DMXL1: variants seen among roughly 807,000 people sequenced by gnomAD.
DMXL1 encodes Dmx like 1.
DMXL1 carries 99 observed loss-of-function variants against 319.2 expected under a neutral mutation model. The observed-to-expected ratio is 0.31, with a 90% CI of 0.26 to 0.37. DMXL1 has a LOEUF of 0.37. Ranked by LOEUF, DMXL1 falls within the 10% of genes least tolerant of loss-of-function variation. The pLI is 1.00. For missense variants in DMXL1, 3,745 were observed against 3,595.6 expected (o/e 1.04, Z -1.06); for synonymous variants, 1,385 against 1,235.2 (o/e 1.12, Z -2.54).
rs1307261759 is a variant in DMXL1 at position 119,165,173 on chromosome 5, T to C, written c.4873-10T>C. On this transcript the variant is annotated splice_polypyrimidine_tract_variant and intron_variant, in intron 20 of 43. Transcript: ENST00000539542. ...TCTGTGAAATTTTGATCAATATTTT[T>C]TGATTATAGGTAGCTAAAGCAGCCT... 20 of 1,525,252 alleles carry C rather than the reference T, an allele frequency of 1.3e-5. No individual in the cohort carries two copies. The highest frequency in any genetic ancestry group is 1.7e-5 in the Non-Finnish European group (19 of 1,116,764). 94.5% of individuals were successfully genotyped at this position (1,525,252 alleles called of 1,614,324 possible).
chr5:119,095,525 A>G (rs1755746472), intron 1 of DMXL1, among the ~76,000 whole-genome samples: 1 of 152,234 alleles, frequency 6.6e-6, no homozygotes, highest in African/African-American at 2.4e-5. Context: ...AATTAGGTAG[A>G]TAATTTCAGG....
rs1789355600 is a variant in DMXL1 at position 119,244,350 on chromosome 5, T to C, written c.8705-9T>C. 5.0e-6 allele frequency: 8 copies of C among 1,589,808 alleles called. No individual in the cohort carries two copies. The highest frequency in any genetic ancestry group is 6.8e-6 in the Non-Finnish European group (8 of 1,170,998). On this transcript the variant is annotated splice_polypyrimidine_tract_variant and intron_variant, in intron 42 of 43. Coordinates refer to ENST00000539542, the MANE Select transcript of DMXL1 (RefSeq NM_001290321.3). Reference sequence around the variant, plus strand: ...AAGTGTTTTTGTTTTTTTTTTAATTTACTTTCAGCATTTACCTGCCATGAC... The same window carrying C: ...AAGTGTTTTTGTTTTTTTTTTAATTCACTTTCAGCATTTACCTGCCATGAC...
At chr5:119,177,552 T>TG (rs1554129315) in intron 27 of DMXL1, 68 bp downstream of exon 27, 4 of 1,234,242 alleles carry the variant, frequency 3.2e-6, no homozygotes, top group African/African-American at 3.0e-5. Context: ...GTAGAAAGAC[T>TG]TTTAGTTTTG....
At chr5:119,089,772 A>G (rs1028368603) in intron 1 of DMXL1, among the ~76,000 whole-genome samples, 1 of 150,912 alleles carries the variant, frequency 6.6e-6, no homozygotes, top group Non-Finnish European at 1.5e-5. Context: ...GATTACAGGC[A>G]TACGCCACCA....
At chr5:119,093,519 C>T (rs369193547) in intron 1 of DMXL1, among the ~76,000 whole-genome samples, 39 of 152,226 alleles carry the variant, frequency 2.6e-4, no homozygotes, top group African/African-American at 7.7e-4. Context: ...CAATGAACTG[C>T]GCTCAGACCT....
At chr5:119,228,897 G>A (rs6880106) in intron 38 of DMXL1, among the ~76,000 whole-genome samples, 145,175 of 152,122 alleles carry the variant, frequency 0.95, 69,342 homozygotes, top group East Asian at 1. Flanking sequence ...AATGTTGTAG[G>A]AAAAAAACCT....
At chr5:119,101,850 A>T (rs892486661) in intron 2 of DMXL1, 85 bp from the exon 3 acceptor site, 1 of 857,678 alleles carries the variant, frequency 1.2e-6, no homozygotes, top group African/African-American at 1.7e-5. Flanking sequence ...GGCATATTTA[A>T]AGTTATAGTA....
At position 119,160,338 on chromosome 5, in the gene DMXL1, C is replaced by A. The variant is rs566031872; in HGVS notation, c.4703-4169C>A. Among the ~76,000 whole-genome samples the A allele has an allele frequency of 4.9e-4, 75 of 152,212 alleles. 2 individuals carry two copies. In the South Asian group the frequency reaches 0.015, roughly 31 times the overall value. Reference sequence around the variant, plus strand: ...TTGTTTAATTTCCACAAATTGGTGACTTTTCCAAGATTTCTCCTGTTATTT... The same window carrying A: ...TTGTTTAATTTCCACAAATTGGTGAATTTTCCAAGATTTCTCCTGTTATTT... On this transcript the variant is annotated intron_variant, in intron 19 of 43. Transcript: ENST00000539542.
At chr5:119,197,090 A>G (rs1779773429) in intron 31 of DMXL1, among the ~76,000 whole-genome samples, 1 of 152,216 alleles carries the variant, frequency 6.6e-6, no homozygotes, top group Admixed American at 6.5e-5. Flanking sequence ...AAGAGTATGG[A>G]TGGGCAGAAC....
intron 39 of DMXL1, 86 bp from the exon 40 acceptor site, chr5:119,237,236 A>T (rs1026714106): frequency 6.1e-5 from 43 of 704,510 alleles, no homozygotes; most frequent in Admixed American, 1.3e-4. Flanking sequence ...TTTACGAGTC[A>T]AAATATGGGT....
Position 119,149,275 on chromosome 5 carries a change from G to A in DMXL1, c.3448G>A (p.Gly1150Ser), listed in dbSNP as rs761409832. The change falls in exon 18 of 44, where the codon GGT becomes AGT. Residue 1150 changes from glycine to serine, a missense_variant. By Grantham distance (56) the Gly-to-Ser change is moderately conservative. This residue lies in a region of DMXL1 where 2,096 missense variants were observed against 1,985.4 expected (regional missense o/e 1.06). Transcript: ENST00000539542. The stretch of plus-strand genomic sequence containing the variant: ...CTTAGATTGGATGTCTAGAGAAGAC[G>A]GTTCTCATATCCTGACTGTAGGAAT... ...VHLDWMSRED[G>S]SHILTVGIGS... 8.1e-6 allele frequency: 13 copies of A among 1,613,754 alleles called. No homozygotes were observed. Among genetic ancestry groups the A allele is most frequent in the Admixed American group, 1.7e-5 (1 of 59,956 alleles).
intron 38 of DMXL1, among the ~76,000 whole-genome samples, chr5:119,232,941 A>AT (rs1277599811): frequency 6.6e-6 from 1 of 151,822 alleles, no homozygotes; most frequent in Non-Finnish European, 1.5e-5. Flanking sequence ...CTTTAATCTG[A>AT]TTTTTTTCAA....
chr5:119,149,639 C>T lies in DMXL1; in HGVS notation c.3812C>T (p.Ser1271Phe). ...SITSLIKQSNSSSGLHPPKKT... is the reference protein window; with the variant it reads ...SITSLIKQSNFSSGLHPPKKT... ...ACAAGTTTAATAAAACAGAGTAACT[C>T]CAGTTCTGGGTTACATCCTCCAAAG... Residue 1271 changes from serine (S) to phenylalanine (F), a missense_variant, in exon 18 of 44, where the codon TCC (serine) becomes TTC (phenylalanine). Transcript: ENST00000539542. 6.2e-7 allele frequency: 1 copy of T among 1,613,874 alleles called. No homozygotes were observed. The highest frequency in any genetic ancestry group is 1.3e-5 in the African/African-American group (1 of 74,994).
chr5:119,194,204 A>G (rs1280777089), intron 30 of DMXL1, among the ~76,000 whole-genome samples: 2 of 152,150 alleles, frequency 1.3e-5, no homozygotes, highest in East Asian at 3.8e-4. Flanking sequence ...CCTTTCCTTA[A>G]CAATAATTTA....
At chr5:119,143,394 T>C (rs150728574) in intron 13 of DMXL1, among the ~76,000 whole-genome samples, 1 of 152,068 alleles carries the variant, frequency 6.6e-6, no homozygotes, top group East Asian at 1.9e-4. Flanking sequence ...GATTTGAAAA[T>C]AGACCACTGA....
Position 119,148,902 on chromosome 5 carries a change from A to C in DMXL1, c.3075A>C (p.Glu1025Asp), listed in dbSNP as rs375482817. The C allele has an allele frequency of 1.2e-5, 19 of 1,613,884 alleles. No individual in the cohort carries two copies. The highest frequency in any genetic ancestry group is 1.5e-5 in the Non-Finnish European group (18 of 1,179,826). Residue 1025 changes from glutamate (E) to aspartate (D), a missense_variant, in exon 18 of 44, where the codon GAA becomes GAC. By Grantham distance (45) the Glu-to-Asp change is conservative. Coordinates refer to ENST00000539542, the MANE Select transcript of DMXL1 (RefSeq NM_001290321.3). ...TTGATCTTGCATACATTTGGGAAGA[A>C]TGGCCATTACTTATTGAAGATGGAC... ...GKIDLAYIWE[E>D]WPLLIEDGLQ...
At chr5:119,203,490 A>G in intron 33 of DMXL1, 54 bp downstream of exon 33, 2 of 1,054,976 alleles carry the variant, frequency 1.9e-6, no homozygotes, top group African/African-American at 1.6e-5. Context: ...CTTTTATATT[A>G]TCATGTAACC....
chr5:119,193,760 T>C, intron 29 of DMXL1, 68 bp from the exon 30 acceptor site: 1 of 1,434,668 alleles, frequency 7.0e-7, no homozygotes, highest in South Asian at 1.2e-5. Flanking sequence ...TTATTACTAT[T>C]AGACTGTATG....
intron 19 of DMXL1, among the ~76,000 whole-genome samples, chr5:119,157,487 C>T (rs1771356421): frequency 6.6e-6 from 1 of 152,080 alleles, no homozygotes. Flanking sequence ...TCCATTTTGA[C>T]CTATTTTTGT....
Sources: gnomAD v4.1 joint callset for allele counts (sites outside exome capture counted in the v4.1 genomes callset) on GRCh38, gnomAD v4.1.1 for gene constraint, gnomAD v4.1.1 regional missense constraint, MANE v1.5 for transcripts, NCBI Gene and HGNC (gene_info 2026-07-23, HGNC 2026-07-21) for gene names.